XPO5: variants seen among roughly 807,000 people sequenced by gnomAD.
XPO5 encodes the protein exportin 5.
In XPO5, 46 loss-of-function variants were observed where a neutral mutation model predicts 160.6. The ratio of observed to expected loss-of-function variants is 0.29; its 90% CI spans 0.23 to 0.37. The LOEUF (loss-of-function observed/expected upper bound fraction) is 0.37, where lower values mean the gene tolerates loss of function less well. Ranked by LOEUF, XPO5 falls within the 10% of genes least tolerant of loss-of-function variation. The probability of loss-of-function intolerance (pLI) is 1.00; values close to 1 mark genes in which losing one functional copy is unlikely to be tolerated. For synonymous variants in XPO5, 537 were observed against 519.3 expected (o/e 1.03, Z -0.46); for missense variants, 1,090 against 1,463.9 (o/e 0.74, Z 4.17).
intron 3 of XPO5, 98 bp downstream of exon 3, chr6:43,572,408 T>C (rs1561888659): frequency 2.5e-6 from 3 of 1,195,836 alleles, no homozygotes; most frequent in East Asian, 2.3e-5. Flanking sequence ...GTCTGACCTA[T>C]TTAGAAGCAG....
chr6:43,557,783 T>TAAAA (rs59661301), intron 12 of XPO5, among the ~76,000 whole-genome samples: 2 of 87,230 alleles, frequency 2.3e-5, no homozygotes, highest in African/African-American at 8.3e-5. Context: ...AATAAAGCTG[T>TAAAA]AAAAAAAAAA....
chr6:43,560,162 G>A lies in XPO5; in HGVS notation c.1221+16C>T. On this transcript the variant is annotated intron_variant, in intron 11 of 31. Transcript: ENST00000265351. Reference sequence around the variant, plus strand: ...TATTCACCTACATTCCACATGTTTAGATTCCCATTATATACCTTGACCAAG... The same window carrying A: ...TATTCACCTACATTCCACATGTTTAAATTCCCATTATATACCTTGACCAAG... 1.2e-6 allele frequency: 2 copies of A among 1,610,724 alleles called. No individual in the cohort carries two copies. The highest frequency in any genetic ancestry group is 1.7e-6 in the Non-Finnish European group (2 of 1,178,138).
At chr6:43,554,684 A>T (rs868014042) in intron 13 of XPO5, among the ~76,000 whole-genome samples, 12 of 152,040 alleles carry the variant, frequency 7.9e-5, no homozygotes, top group African/African-American at 2.9e-4. Flanking sequence ...CGGCCTCCTG[A>T]AGTGCTAGGA....
intron 21 of XPO5, 101 bp downstream of exon 21, chr6:43,533,806 G>A: frequency 1.2e-6 from 1 of 826,708 alleles, no homozygotes; most frequent in Middle Eastern, 4.1e-4. Flanking sequence ...GTGCACTCTA[G>A]CCTGGGTGAC....
intron 9 of XPO5, 62 bp from the exon 10 acceptor site, chr6:43,561,069 G>A (rs1302286573): frequency 1.5e-6 from 2 of 1,339,290 alleles, no homozygotes; most frequent in East Asian, 2.3e-5. Context: ...GGAAAAAGCA[G>A]GGAAGTAATA....
At chr6:43,568,798 T>C (rs1210750793) in intron 5 of XPO5, 61 bp from the exon 6 acceptor site, 1 of 1,415,604 alleles carries the variant, frequency 7.1e-7, no homozygotes, top group Non-Finnish European at 9.6e-7. Context: ...AATAACTTTC[T>C]ACCCCCCACA....
chr6:43,572,512 A>G lies in XPO5; in HGVS notation c.294T>C (p.Ile98=), dbSNP rs767346858. 9 of 1,613,968 alleles carry G rather than the reference A, an allele frequency of 5.6e-6. No individual in the cohort carries two copies. Among genetic ancestry groups the G allele is most frequent in the Admixed American group, 1.7e-5 (1 of 60,000 alleles). ...CCAACCACCCATTCCTTACATTTGC[A>G]ATCAGCTCCATGACACTGTTCTTCA... ...VYLKNSVMEL[I]ANGTLNILEE... The change falls in exon 3 of 32, where the codon ATT becomes ATC. Residue 98 remains isoleucine (I), a synonymous_variant. Coordinates refer to ENST00000265351, the MANE Select transcript of XPO5 (RefSeq NM_020750.3).
Position 43,551,440 on chromosome 6 carries a change from T to C in XPO5, c.1586A>G (p.Asn529Ser), listed in dbSNP as rs754732801. Residue 529 changes from asparagine to serine, a missense_variant, in exon 15 of 32, where the codon AAT becomes AGT. By Grantham distance (46) the Asn-to-Ser change is conservative. Coordinates refer to ENST00000265351, the MANE Select transcript of XPO5 (RefSeq NM_020750.3). Reference protein sequence around the residue: ...RTLNREEIPVNDGIELLQMVL... With the variant: ...RTLNREEIPVSDGIELLQMVL... ...CATCTGCAATAGCTCTATTCCATCA[T>C]TAACAGGAATTTCCTGTAACAAAGA... 6.2e-7 allele frequency: 1 copy of C among 1,612,420 alleles called. No individual in the cohort carries two copies. The highest frequency in any genetic ancestry group is 8.5e-7 in the Non-Finnish European group (1 of 1,179,490).
At chr6:43,563,824 T>C (rs1762542989) in intron 8 of XPO5, among the ~76,000 whole-genome samples, 1 of 152,226 alleles carries the variant, frequency 6.6e-6, no homozygotes, top group Non-Finnish European at 1.5e-5. Flanking sequence ...AAAACTGTAC[T>C]GGGTGGGTCC....
At chr6:43,530,631 G>GTT (rs1478363244) in intron 23 of XPO5, 57 bp downstream of exon 23, 1 of 1,589,680 alleles carries the variant, frequency 6.3e-7, no homozygotes, top group Non-Finnish European at 8.6e-7. Flanking sequence ...GACCTGTTTT[G>GTT]TTTCTCTCTC....
chr6:43,565,803 G>A (rs1762668050), intron 7 of XPO5, 67 bp from the exon 8 acceptor site: 1 of 1,238,194 alleles, frequency 8.1e-7, no homozygotes, highest in African/African-American at 1.5e-5. Context: ...TCTTCTGTAA[G>A]TATATAATCA....
rs1762745120 is a variant in XPO5, at chr6:43,567,311, A to G, written c.692T>C (p.Leu231Pro). ...CRVGVAALNT[L>P]AGYIDWVSMS... ...AGACACCCAGTCAATATAGCCTGCT[A>G]GAGTATTCAGTGCTGCAACTCCTAC... is the stretch of plus-strand genomic sequence containing the variant. The change falls in exon 7 of 32, where the codon CTA (leucine) becomes CCA (proline). Residue 231 changes from leucine (L) to proline (P), a missense_variant. This residue lies in a region of XPO5 where 110 missense variants were observed against 97.9 expected (regional missense o/e 1.12). Coordinates refer to ENST00000265351, the MANE Select transcript of XPO5 (RefSeq NM_020750.3). 1.2e-6 allele frequency: 2 copies of G among 1,613,460 alleles called. No individual in the cohort carries two copies. The highest frequency in any genetic ancestry group is 1.7e-5 in the Admixed American group (1 of 59,874).
intron 14 of XPO5, 43 bp downstream of exon 14, chr6:43,553,330 G>T: frequency 1.3e-6 from 2 of 1,577,156 alleles, no homozygotes; most frequent in South Asian, 1.2e-5. Flanking sequence ...AAAAGAAAAA[G>T]GTCAAAATAA....
intron 5 of XPO5, among the ~76,000 whole-genome samples, chr6:43,569,012 G>C (rs893073937): frequency 2.6e-5 from 4 of 152,196 alleles, no homozygotes; most frequent in South Asian, 2.1e-4. Flanking sequence ...CTGGATGTTG[G>C]CCAGGCGTGG....
At position 43,555,931 on chromosome 6, in the gene XPO5, A is replaced by G. The variant is rs1762056885; in HGVS notation, c.1346T>C (p.Leu449Ser). Residue 449 changes from leucine (L) to serine (S), a missense_variant, in exon 13 of 32, where the codon TTG (leucine) becomes TCG (serine). Around this residue, in one of 3 missense-constraint regions of XPO5, gnomAD observed 810 missense variants for 1,139.0 expected, o/e 0.71. Transcript: ENST00000265351. The part of the protein sequence containing the change: ...SRAQQGEVMR[L>S]ACRLDPKTSF... ...AGTTTTGGGATCCAAACGACATGCC[A>G]ACCTCATCACCTCTCCTTGTTGTGC... The G allele has an allele frequency of 6.2e-7, 1 of 1,613,898 alleles. No individual in the cohort carries two copies. Among genetic ancestry groups the G allele is most frequent in the South Asian group, 1.1e-5 (1 of 91,086 alleles).
At chr6:43,561,143 TAAAG>T in intron 9 of XPO5, 136 bp from the exon 10 acceptor site, 1 of 696,888 alleles carries the variant, frequency 1.4e-6, no homozygotes, top group South Asian at 1.9e-5. Context: ...TCCTTTTGGC[TAAAG>T]AAAGGCATCA....
At chr6:43,540,739 A>G (rs1794649399) in intron 20 of XPO5, among the ~76,000 whole-genome samples, 1 of 152,190 alleles carries the variant, frequency 6.6e-6, no homozygotes, top group Admixed American at 6.5e-5. Context: ...TGGCCTCCCA[A>G]AGTGCTGAGA....
At chr6:43,545,019 T>A (rs1028132180) in intron 20 of XPO5, among the ~76,000 whole-genome samples, 1 of 152,076 alleles carries the variant, frequency 6.6e-6, no homozygotes, top group Non-Finnish European at 1.5e-5. Flanking sequence ...ATTACAGGCA[T>A]GTGCCACCAT....
chr6:43,525,622 C>A, intron 28 of XPO5: 1 of 573,130 alleles, frequency 1.7e-6, no homozygotes, highest in Non-Finnish European at 3.1e-6. Flanking sequence ...AGTGTGCCTA[C>A]TATGTGTTTT....
Sources: gnomAD v4.1 joint callset for allele counts (sites outside exome capture counted in the v4.1 genomes callset) on GRCh38, gnomAD v4.1.1 for gene constraint, gnomAD v4.1.1 regional missense constraint, MANE v1.5 for transcripts, NCBI Gene and HGNC (gene_info 2026-07-23, HGNC 2026-07-21) for gene names.